The following KIF7 variants were observed in gnomAD, a reference collection of about 807,000 sequenced individuals.
The protein encoded by KIF7 is kinesin-like protein KIF7.
KIF7 carries 104 observed loss-of-function variants against 135.7 expected under a neutral mutation model. The observed-to-expected ratio is 0.77, with a 90% CI of 0.65 to 0.90. The LOEUF is 0.90. Ranked by LOEUF, KIF7 falls within the 40% of genes least tolerant of loss-of-function variation. The pLI is 0.00. For synonymous variants in KIF7, 883 were observed against 809.4 expected (o/e 1.09, Z -1.54); for missense variants, 2,005 against 1,839.1 (o/e 1.09, Z -1.65).
intron 15 of KIF7, chr15:89,631,201 C>T (rs55892115): frequency 4.7e-6 from 2 of 427,964 alleles, no homozygotes; most frequent in Middle Eastern, 6.1e-4. Flanking sequence ...CACACGAAGC[C>T]GAGACGTGTG....
At chr15:89,635,570 G>C (rs1226038348) in intron 11 of KIF7, among the ~76,000 whole-genome samples, 1 of 152,134 alleles carries the variant, frequency 6.6e-6, no homozygotes, top group Non-Finnish European at 1.5e-5. Context: ...TGGAAGAAAG[G>C]GTATCAGTGA....
upstream of KIF7, among the ~76,000 whole-genome samples, chr15:89,656,466 C>T (rs578080550): frequency 3.9e-4 from 60 of 152,134 alleles, no homozygotes; most frequent in African/African-American, 1.4e-3. Context: ...AAGCTGATTT[C>T]CTTCCCATTC....
chr15:89,629,849 T>A (rs951450585), intron 16 of KIF7: 11 of 561,500 alleles, frequency 2.0e-5, no homozygotes, highest in Non-Finnish European at 3.5e-5. Context: ...AGTTGTGGGA[T>A]TTCATCTAGA....
At chr15:89,635,987 A>G (rs1348284056) in intron 11 of KIF7, among the ~76,000 whole-genome samples, 3 of 152,174 alleles carry the variant, frequency 2.0e-5, no homozygotes, top group Non-Finnish European at 4.4e-5. Flanking sequence ...CTCTCGGCAG[A>G]AACTCTACAA....
chr15:89,656,474 T>C (rs1964208566), upstream of KIF7, among the ~76,000 whole-genome samples: 1 of 152,050 alleles, frequency 6.6e-6, no homozygotes, highest in South Asian at 2.1e-4. Flanking sequence ...TTCCTTCCCA[T>C]TCCATGTACC....
At chr15:89,625,832 C>T (rs751429025), downstream of KIF7, 2 of 1,561,832 alleles carry the variant, frequency 1.3e-6, no homozygotes, top group Non-Finnish European at 1.7e-6. Flanking sequence ...TTCTTTTGGT[C>T]AGAGTGCTTG....
chr15:89,622,321 C>T (rs1963440453), intron 1 of KIF7, among the ~76,000 whole-genome samples: 1 of 152,088 alleles, frequency 6.6e-6, no homozygotes, highest in Non-Finnish European at 1.5e-5. Context: ...CCTCTTCTCC[C>T]CTACTGCAAT....
chr15:89,654,073 G>A lies in KIF7; in HGVS notation c.-24-1119C>T, dbSNP rs894225988. 2.0e-5 allele frequency among the ~76,000 whole-genome samples: 3 copies of A among 152,076 alleles called. No individual in the cohort carries two copies. The East Asian group carries it at 5.8e-4, about 29-fold the overall frequency. On this transcript the variant is annotated intron_variant, in intron 1 of 18. Transcript: ENST00000394412. ...TGCCCAGGCTGGACTGCAGTGGCCC[G>A]ATCTCCGCTCACTGCAAGCTCTGCC...
rs1428069667 is a variant in KIF7, at chr15:89,648,687, G to C, written c.1011C>G (p.Leu337=). Residue 337 remains leucine (L), a synonymous_variant, in exon 5 of 19, where the codon CTC becomes CTG. Coordinates refer to ENST00000394412, the MANE Select transcript of KIF7 (RefSeq NM_198525.3). ...SPSSSDFDET[L]NTLNYASRAQ... is the part of the protein sequence containing the mutation. Reference sequence around the variant, plus strand: ...CGCGGCTGGCGTAGTTGAGGGTGTTGAGGGTCTCGTCGAAGTCGGAGGAGG... The same window carrying C: ...CGCGGCTGGCGTAGTTGAGGGTGTTCAGGGTCTCGTCGAAGTCGGAGGAGG... 15 of 1,535,988 alleles carry C rather than the reference G, an allele frequency of 9.8e-6. No individual in the cohort carries two copies. The highest frequency in any genetic ancestry group is 1.3e-5 in the Non-Finnish European group (15 of 1,146,458).
Position 89,628,145 on chromosome 15 carries a change from C to T in KIF7, c.*274G>A, listed in dbSNP as rs548523923. ...CAAGCACATCCATTTACGCCTGAAA[C>T]CAGAATTGTCCTGAGATTCGAGCAA... On this transcript the variant is annotated 3_prime_UTR_variant, in exon 19 of 19. Coordinates refer to ENST00000394412, the MANE Select transcript of KIF7 (RefSeq NM_198525.3). 2.4e-6 allele frequency: 1 copy of T among 413,180 alleles called. No individual in the cohort carries two copies. The highest frequency in any genetic ancestry group is 4.3e-6 in the Non-Finnish European group (1 of 233,750). The allele number at this position is 413,180 out of a possible 1,614,324, so 25.6% of individuals were successfully genotyped here. A position where few individuals can be genotyped will look rare whatever the true frequency, so the allele number is the denominator to read the frequency against.
upstream of KIF7, among the ~76,000 whole-genome samples, chr15:89,659,630 C>T (rs1428112622): frequency 2.0e-5 from 3 of 152,238 alleles, no homozygotes; most frequent in Non-Finnish European, 4.4e-5. Flanking sequence ...CATTGCTAAT[C>T]AGGGAATTAA....
chr15:89,623,783 A>G, downstream of KIF7: 2 of 1,613,932 alleles, frequency 1.2e-6, no homozygotes, highest in Non-Finnish European at 1.7e-6. Context: ...GAGTCCTTAA[A>G]AGACTCCTCC....
chr15:89,632,116 G>A lies in KIF7; in HGVS notation c.2896-406C>T, dbSNP rs930680155. Among the ~76,000 whole-genome samples the A allele has an allele frequency of 2.6e-5, 4 of 152,226 alleles. No homozygotes were observed. In the East Asian group the frequency reaches 5.8e-4, roughly 22 times the overall value. ...GGCTCTCCTGGCGGAGGGAAGTTAC[G>A]GATCATTCCAGTAGGACCCTGGATC... On this transcript the variant is annotated intron_variant, in intron 14 of 18. Transcript: ENST00000394412.
chr15:89,654,292 A>C (rs1964172718), intron 1 of KIF7, among the ~76,000 whole-genome samples: 1 of 130,380 alleles, frequency 7.7e-6, no homozygotes, highest in Non-Finnish European at 1.7e-5. Flanking sequence ...TCCAGGCGTA[A>C]GTCACCGTGC....
At chr15:89,624,448 A>G (rs553559795), downstream of KIF7, 5 of 1,614,074 alleles carry the variant, frequency 3.1e-6, no homozygotes, top group Non-Finnish European at 3.4e-6. Context: ...ACCCCCTTCT[A>G]AAGTTGGGAA....
intron 11 of KIF7, among the ~76,000 whole-genome samples, chr15:89,635,345 G>T (rs563507609): frequency 1.3e-5 from 2 of 152,356 alleles, no homozygotes; most frequent in African/African-American, 4.8e-5. Context: ...TTGACGAGCT[G>T]AGAGAAGAAG....
At chr15:89,657,859 C>T (rs554340887), upstream of KIF7, among the ~76,000 whole-genome samples, 3 of 152,264 alleles carry the variant, frequency 2.0e-5, no homozygotes, top group African/African-American at 7.2e-5. Context: ...AGCAAAGTGC[C>T]GGAAGTTGCA....
intron 2 of KIF7, 134 bp from the exon 3 acceptor site, chr15:89,650,075 G>T: frequency 1.1e-6 from 1 of 885,774 alleles, no homozygotes; most frequent in Non-Finnish European, 1.8e-6. Context: ...GCCGAGGCCA[G>T]GATGGGACAG....
chr15:89,648,569 G>A lies in KIF7; in HGVS notation c.1129C>T (p.Arg377Trp), dbSNP rs1463110793. ...ATGATGCGGGTCTCGGAGCGGTGCCGTGGCGGACCCCGCGCGCCGCTCGCC... is the reference window on the plus strand; with the variant it reads ...ATGATGCGGGTCTCGGAGCGGTGCCATGGCGGACCCCGCGCGCCGCTCGCC... ...ETASGARGPP[R>W]HRSETRIIHR... Residue 377 changes from arginine (R) to tryptophan (W), a missense_variant, in exon 5 of 19, where the codon CGG (arginine) becomes TGG (tryptophan). By Grantham distance (101) the Arg-to-Trp change is moderately radical. Transcript: ENST00000394412. The A allele has an allele frequency of 2.0e-6, 3 of 1,481,338 alleles. No individual in the cohort carries two copies. Among genetic ancestry groups the A allele is most frequent in the East Asian group, 2.7e-5 (1 of 37,558 alleles). The allele number at this position is 1,481,338 out of a possible 1,614,324, so 91.8% of individuals were successfully genotyped here.
Sources: gnomAD v4.1 joint callset for allele counts (sites outside exome capture counted in the v4.1 genomes callset) on GRCh38, gnomAD v4.1.1 for gene constraint, MANE v1.5 for transcripts, NCBI Gene and HGNC (gene_info 2026-07-23, HGNC 2026-07-21) for gene names.